The following MPV17 variants were observed in gnomAD, a reference collection of about 807,000 sequenced individuals.
MPV17 encodes the protein mitochondrial inner membrane protein MPV17.
Under a neutral mutation model 28.6 loss-of-function variants are expected in MPV17, and 31 were observed. That is an observed-to-expected ratio of 1.08 (90% CI 0.81 to 1.46). The LOEUF (loss-of-function observed/expected upper bound fraction) is 1.46, where lower values mean the gene tolerates loss of function less well. Among genes scored for constraint, MPV17 ranks in the 40% most tolerant of loss-of-function variants. The pLI is 0.00. For synonymous variants in MPV17, 87 were observed against 85.3 expected (o/e 1.02, Z -0.11); for missense variants, 198 against 216.2 (o/e 0.92, Z 0.53).
Position 27,309,847 on chromosome 2 carries a change from G to C in MPV17, c.*65C>G. The C allele has an allele frequency of 7.1e-7, 1 of 1,403,370 alleles. No individual in the cohort carries two copies. The highest frequency in any genetic ancestry group is 1.0e-6 in the Non-Finnish European group (1 of 990,376). The allele number at this position is 1,403,370 out of a possible 1,614,324, so 86.9% of individuals were successfully genotyped here. On this transcript the variant is annotated 3_prime_UTR_variant, in exon 8 of 8. Coordinates refer to ENST00000380044, the MANE Select transcript of MPV17 (RefSeq NM_002437.5). ...AAACTGGTATGCCCACTTTGAGGAG[G>C]TTGTCTGACCGTTCCAGGGTCAAGC...
At chr2:27,313,788 C>CT (rs1313459081) in intron 2 of MPV17, among the ~76,000 whole-genome samples, 1 of 152,196 alleles carries the variant, frequency 6.6e-6, no homozygotes, top group Non-Finnish European at 1.5e-5. Flanking sequence ...TCTTGGCTCA[C>CT]TGCAACCTCT....
chr2:27,318,052 A>G (rs1258361255), intron 2 of MPV17, among the ~76,000 whole-genome samples: 1 of 150,246 alleles, frequency 6.7e-6, no homozygotes, highest in Admixed American at 6.6e-5. Flanking sequence ...TTATCCCATG[A>G]GGTCAATCTT....
At chr2:27,319,108 G>T (rs1679762798) in intron 2 of MPV17, among the ~76,000 whole-genome samples, 1 of 152,098 alleles carries the variant, frequency 6.6e-6, no homozygotes, top group Non-Finnish European at 1.5e-5. Context: ...CCAAGGGACT[G>T]AGCAACAGCT....
At chr2:27,322,375 G>C in intron 2 of MPV17, 73 bp downstream of exon 2, 1 of 1,221,118 alleles carries the variant, frequency 8.2e-7, no homozygotes, top group Non-Finnish European at 1.2e-6. Context: ...AGTGAGGGTG[G>C]TGCAGTGGGG....
chr2:27,318,890 G>A (rs544051979), intron 2 of MPV17, among the ~76,000 whole-genome samples: 91 of 151,134 alleles, frequency 6.0e-4, no homozygotes, highest in Non-Finnish European at 1.0e-3. Context: ...TCAGTCTCCC[G>A]AGTAGCTGGG....
chr2:27,319,379 T>C (rs1197208636), intron 2 of MPV17, among the ~76,000 whole-genome samples: 1 of 149,078 alleles, frequency 6.7e-6, no homozygotes, highest in African/African-American at 2.5e-5. Context: ...AGAAATTAGC[T>C]GGGCATGGTG....
intron 2 of MPV17, chr2:27,313,426 A>T: frequency 1.7e-6 from 1 of 587,638 alleles, no homozygotes; most frequent in South Asian, 2.1e-5. Context: ...AGGGCTGAGA[A>T]CCACAGACTG....
chr2:27,313,530 G>T, intron 2 of MPV17: 1 of 387,974 alleles, frequency 2.6e-6, no homozygotes, highest in Non-Finnish European at 4.8e-6. Flanking sequence ...ACCAGTAAGT[G>T]CAGGGCCAAT....
At chr2:27,310,045 G>T in intron 7 of MPV17, 64 bp from the exon 8 acceptor site, 1 of 1,273,722 alleles carries the variant, frequency 7.9e-7, no homozygotes, top group Non-Finnish European at 1.1e-6. Flanking sequence ...GGCTGGAGAT[G>T]GGAGCATGAA....
At chr2:27,311,819 G>A in intron 7 of MPV17, 80 bp downstream of exon 7, 2 of 1,586,574 alleles carry the variant, frequency 1.3e-6, no homozygotes, top group Non-Finnish European at 1.7e-6. Context: ...GGTAGCTCAA[G>A]GTTGAAATGA....
At chr2:27,321,312 G>C (rs1238168871) in intron 2 of MPV17, among the ~76,000 whole-genome samples, 1 of 152,218 alleles carries the variant, frequency 6.6e-6, no homozygotes, top group Non-Finnish European at 1.5e-5. Context: ...CGGACGCTGA[G>C]GACAGGACAA....
chr2:27,312,514 T>TG lies in MPV17; in HGVS notation c.354dup (p.Asn119GlnfsTer11). The TG allele has an allele frequency of 1.2e-6, 2 of 1,614,158 alleles. No homozygotes were observed. The highest frequency in any genetic ancestry group is 2.7e-5 in the African/African-American group (2 of 75,058). On this transcript the variant is annotated frameshift_variant, in exon 5 of 8. Coordinates refer to ENST00000380044, the MANE Select transcript of MPV17 (RefSeq NM_002437.5). LOFTEE classifies it high-confidence loss of function. Reference sequence around the variant, plus strand: ...CTCACCCGCTGTAGTTTGGCCCAGTTGTCCTGGGCTGACAGTCCATTAAGT... The same window carrying TG: ...CTCACCCGCTGTAGTTTGGCCCAGTTGGTCCTGGGCTGACAGTCCATTAAGT...
In MPV17 at chr2:27,317,293, G is replaced by A; in HGVS notation, c.71-4184C>T. Reference sequence around the variant, plus strand: ...CTCAGTCTGGCACAGAGCCCAGAGGGAGTGGAAGCCCAGCAGCGGGAGGGG... The same window carrying A: ...CTCAGTCTGGCACAGAGCCCAGAGGAAGTGGAAGCCCAGCAGCGGGAGGGG... On this transcript the variant is annotated intron_variant, in intron 2 of 7. Coordinates refer to ENST00000380044, the MANE Select transcript of MPV17 (RefSeq NM_002437.5). The surrounding 1 kb of genome is among the most constrained non-coding windows in gnomAD (Gnocchi z 4.0). 2.9e-6 allele frequency: 4 copies of A among 1,403,058 alleles called. No homozygotes were observed. The highest frequency in any genetic ancestry group is 2.0e-4 in the Middle Eastern group (1 of 4,940). The allele number at this position is 1,403,058 out of a possible 1,614,324, so 86.9% of individuals were successfully genotyped here. A position where few individuals can be genotyped will look rare whatever the true frequency, so the allele number is the denominator to read the frequency against.
At chr2:27,311,863 G>A (rs1443705618) in intron 7 of MPV17, 36 bp downstream of exon 7, 3 of 1,610,858 alleles carry the variant, frequency 1.9e-6, no homozygotes, top group South Asian at 2.2e-5. Flanking sequence ...GGTAACGTGG[G>A]TCTTCCTTGA....
chr2:27,312,708 T>C lies in MPV17; in HGVS notation c.251A>G (p.Asp84Gly). ...DRFIPGTTKV[D>G]ALKKMLLDQG... ...ATCCAACAACATCTTCTTCAGTGCA[T>C]CCACTTTGGTGGTGCCAGGGATGAA... is the stretch of plus-strand genomic sequence containing the variant. The change falls in exon 4 of 8, where the codon GAT (aspartate) becomes GGT (glycine). Residue 84 changes from aspartate to glycine, a missense_variant. Coordinates refer to ENST00000380044, the MANE Select transcript of MPV17 (RefSeq NM_002437.5). The C allele has an allele frequency of 6.2e-7, 1 of 1,614,226 alleles. No individual in the cohort carries two copies. Among genetic ancestry groups the C allele is most frequent in the Non-Finnish European group, 8.5e-7 (1 of 1,180,046 alleles).
chr2:27,314,290 T>A (rs1170820078), intron 2 of MPV17, among the ~76,000 whole-genome samples: 1 of 151,950 alleles, frequency 6.6e-6, no homozygotes, highest in Non-Finnish European at 1.5e-5. Context: ...GCCATTACAC[T>A]GCTGCCTGGG....
At chr2:27,310,268 G>C (rs1280695172) in intron 7 of MPV17, among the ~76,000 whole-genome samples, 2 of 152,056 alleles carry the variant, frequency 1.3e-5, no homozygotes, top group Non-Finnish European at 2.9e-5. Context: ...GCTAATTTTT[G>C]TATTTTTAGG....
intron 2 of MPV17, among the ~76,000 whole-genome samples, chr2:27,315,288 G>A (rs573854649): frequency 9.2e-5 from 14 of 152,216 alleles, no homozygotes; most frequent in Non-Finnish European, 1.0e-4. Flanking sequence ...GTGTGAGGAC[G>A]TCGGGGGAAC....
intron 2 of MPV17, among the ~76,000 whole-genome samples, chr2:27,318,780 T>C (rs2148221901): frequency 6.6e-6 from 1 of 152,026 alleles, no homozygotes. Context: ...TTCTTTTTTT[T>C]TGGAGATGGA....
Sources: allele counts gnomAD v4.1 joint callset (sites outside exome capture counted in the v4.1 genomes callset), GRCh38; gene constraint gnomAD v4.1.1; non-coding constraint Gnocchi (gnomAD v3.1); transcripts MANE v1.5; gene names NCBI Gene and HGNC (gene_info 2026-07-23, HGNC 2026-07-21).